ORC5: variants seen among roughly 807,000 people sequenced by gnomAD.
The protein encoded by ORC5 is origin recognition complex subunit 5.
Under a neutral mutation model 58.8 loss-of-function variants are expected in ORC5, and 39 were observed. The observed-to-expected ratio is 0.66, with a 90% CI of 0.51 to 0.87. ORC5 has a LOEUF of 0.87. ORC5 is among the 40% of genes least tolerant of loss of function. ORC5 has a pLI of 0.00. For synonymous variants in ORC5, 218 were observed against 177.6 expected (o/e 1.23, Z -1.81); for missense variants, 493 against 506.3 (o/e 0.97, Z 0.25).
chr7:104,131,348 C>G (rs1322991224), intron 13 of ORC5, among the ~76,000 whole-genome samples: 1 of 152,164 alleles, frequency 6.6e-6, no homozygotes, highest in Non-Finnish European at 1.5e-5. Flanking sequence ...AGATTCCGCT[C>G]TCTCATCTAC....
At chr7:104,187,021 G>C (rs1364538290) in intron 6 of ORC5, among the ~76,000 whole-genome samples, 2 of 151,390 alleles carry the variant, frequency 1.3e-5, no homozygotes, top group Non-Finnish European at 2.9e-5. Context: ...TTTCCTTCTT[G>C]TACTTTATAA....
intron 12 of ORC5, among the ~76,000 whole-genome samples, chr7:104,160,724 T>A (rs3808009): frequency 0.38 from 57,773 of 151,444 alleles, 13,102 homozygotes; most frequent in Non-Finnish European, 0.52. Flanking sequence ...CAAAAAAAAA[T>A]TTTTCAATTT....
chr7:104,170,413 T>C (rs191023344), intron 8 of ORC5, among the ~76,000 whole-genome samples: 10 of 152,188 alleles, frequency 6.6e-5, no homozygotes, highest in East Asian at 1.9e-4. Flanking sequence ...ATAGGCCCAA[T>C]AGAGTCAGAA....
intron 12 of ORC5, among the ~76,000 whole-genome samples, chr7:104,137,280 A>C (rs1008263524): frequency 1.3e-5 from 2 of 151,940 alleles, no homozygotes; most frequent in African/African-American, 2.4e-5. Flanking sequence ...AAAAAAAAAA[A>C]AAACAATTTT....
At chr7:104,156,822 C>T (rs932135949) in intron 12 of ORC5, among the ~76,000 whole-genome samples, 1 of 151,844 alleles carries the variant, frequency 6.6e-6, no homozygotes, top group African/African-American at 2.4e-5. Context: ...TACACACATA[C>T]ATGTTTATAA....
At chr7:104,137,089 G>C (rs948678957) in intron 12 of ORC5, among the ~76,000 whole-genome samples, 196 bp from the exon 13 acceptor site, 2 of 151,108 alleles carry the variant, frequency 1.3e-5, no homozygotes, top group African/African-American at 2.4e-5. Flanking sequence ...CTAGTTGTCA[G>C]AGTCCTAGTT....
chr7:104,181,100 T>C (rs1192946338), intron 8 of ORC5, among the ~76,000 whole-genome samples: 1 of 152,202 alleles, frequency 6.6e-6, no homozygotes, highest in Admixed American at 6.5e-5. Flanking sequence ...AAACTGCTAA[T>C]CAAGATCAAA....
intron 8 of ORC5, among the ~76,000 whole-genome samples, chr7:104,173,623 A>G (rs991184815): frequency 6.6e-6 from 1 of 152,176 alleles, no homozygotes; most frequent in African/African-American, 2.4e-5. Context: ...CATTAAGGGC[A>G]CCTTAATAAA....
At chr7:104,159,952 G>A (rs1305009196) in intron 12 of ORC5, among the ~76,000 whole-genome samples, 1 of 152,062 alleles carries the variant, frequency 6.6e-6, no homozygotes, top group East Asian at 1.9e-4. Flanking sequence ...AGCTTTTTTA[G>A]AAAATACATG....
rs571765358 is a variant in ORC5, at chr7:104,168,089, C to G, written c.877+384G>C. The stretch of plus-strand genomic sequence containing the variant: ...GCACAATGTTTTCAAAACATAACCA[C>G]CAAAGTGCATATCCCAAACCGATTA... On this transcript the variant is annotated intron_variant, in intron 9 of 13. Transcript: ENST00000297431. 19 of 200,878 alleles carry G rather than the reference C, an allele frequency of 9.5e-5. No individual in the cohort carries two copies. The South Asian group carries it at 2.9e-3, about 31-fold the overall frequency. The allele number at this position is 200,878 out of a possible 1,614,324, so 12.4% of individuals were successfully genotyped here. A position where few individuals can be genotyped will look rare whatever the true frequency, so the allele number is the denominator to read the frequency against.
intron 8 of ORC5, among the ~76,000 whole-genome samples, chr7:104,170,269 T>A (rs1167044132): frequency 6.6e-6 from 1 of 152,200 alleles, no homozygotes; most frequent in Non-Finnish European, 1.5e-5. Context: ...GTAGGCTGAA[T>A]AATGGCTCTG....
At chr7:104,190,033 T>A (rs1428522618) in intron 5 of ORC5, among the ~76,000 whole-genome samples, 1 of 152,164 alleles carries the variant, frequency 6.6e-6, no homozygotes, top group Non-Finnish European at 1.5e-5. Context: ...CCATTTGATA[T>A]CTAGAAAACT....
intron 11 of ORC5, among the ~76,000 whole-genome samples, chr7:104,164,137 AGGTTGGGC>A (rs1799069125): frequency 6.6e-6 from 1 of 152,112 alleles, no homozygotes; most frequent in African/African-American, 2.4e-5. Context: ...TCGAGACATT[AGGTTGGGC>A]ATGGTAGCTC....
intron 2 of ORC5, among the ~76,000 whole-genome samples, chr7:104,202,201 C>T (rs933733130): frequency 1.3e-5 from 2 of 152,198 alleles, no homozygotes; most frequent in South Asian, 2.1e-4. Flanking sequence ...CTCACCAATA[C>T]AGTCTATCCT....
chr7:104,168,358 A>C, intron 9 of ORC5, 115 bp downstream of exon 9: 1 of 1,455,984 alleles, frequency 6.9e-7, no homozygotes, highest in Non-Finnish European at 9.2e-7. Context: ...TTGAAAAGTA[A>C]ATTCTCTTTT....
intron 12 of ORC5, among the ~76,000 whole-genome samples, chr7:104,139,326 T>C (rs1350664615): frequency 1.3e-5 from 2 of 152,192 alleles, no homozygotes; most frequent in African/African-American, 4.8e-5. Flanking sequence ...TACCTTCATG[T>C]CCACAAGGTG....
intron 6 of ORC5, 116 bp from the exon 7 acceptor site, chr7:104,184,287 C>T: frequency 1.5e-6 from 1 of 675,882 alleles, no homozygotes; most frequent in South Asian, 2.0e-5. Context: ...AACACATTTG[C>T]TCAAGTCAAA....
At chr7:104,153,043 C>T (rs1798870888) in intron 12 of ORC5, among the ~76,000 whole-genome samples, 1 of 152,152 alleles carries the variant, frequency 6.6e-6, no homozygotes, top group Admixed American at 6.5e-5. Context: ...GGGGAAAACA[C>T]TGTTCTTTTA....
intron 12 of ORC5, among the ~76,000 whole-genome samples, chr7:104,147,104 A>C (rs1180755250): frequency 6.6e-6 from 1 of 152,198 alleles, no homozygotes; most frequent in Non-Finnish European, 1.5e-5. Flanking sequence ...GTAGCTATGA[A>C]GCTAAAAAAA....
Sources: gnomAD v4.1 joint callset for allele counts (sites outside exome capture counted in the v4.1 genomes callset) on GRCh38, gnomAD v4.1.1 for gene constraint, MANE v1.5 for transcripts, NCBI Gene and HGNC (gene_info 2026-07-23, HGNC 2026-07-21) for gene names.